Variants in PIGF observed in about 807,000 individuals in gnomAD.
The protein encoded by PIGF is GPI ethanolamine phosphate transferase, stabilizing subunit.
A neutral mutation model predicts 26.0 loss-of-function variants in PIGF; 23 were observed. The observed-to-expected ratio is 0.88, with a 90% CI of 0.64 to 1.25. The LOEUF (loss-of-function observed/expected upper bound fraction) is 1.25. Among genes scored for constraint, PIGF ranks in the 50% most tolerant of loss-of-function variants. PIGF has a pLI of 0.00. For synonymous variants in PIGF, 93 were observed against 92.6 expected (o/e 1.00, Z -0.03); for missense variants, 278 against 249.9 (o/e 1.11, Z -0.76).
intron 4 of PIGF, among the ~76,000 whole-genome samples, chr2:46,594,491 G>A (rs1411705132): frequency 2.0e-5 from 3 of 151,964 alleles, no homozygotes; most frequent in East Asian, 3.9e-4. Flanking sequence ...TAGAGGCCAC[G>A]TGGAAGAACG....
intron 4 of PIGF, among the ~76,000 whole-genome samples, chr2:46,601,855 G>A (rs1670066389): frequency 6.6e-6 from 1 of 151,784 alleles, no homozygotes; most frequent in South Asian, 2.1e-4. Context: ...ACTACTCTTG[G>A]CAAGATTTTT....
At chr2:46,603,842 C>T (rs189596079) in intron 4 of PIGF, among the ~76,000 whole-genome samples, 1 of 152,042 alleles carries the variant, frequency 6.6e-6, no homozygotes, top group East Asian at 1.9e-4. Flanking sequence ...GCAACCAAAG[C>T]ATAAATGGAC....
intron 2 of PIGF, chr2:46,614,446 T>G (rs1670542272): frequency 6.4e-6 from 1 of 155,214 alleles, no homozygotes; most frequent in East Asian, 1.9e-4. Context: ...AATAGCCAAG[T>G]GAATATCTAC....
intron 5 of PIGF, chr2:46,582,820 T>G (rs1669443695): frequency 6.6e-6 from 1 of 152,618 alleles, no homozygotes; most frequent in Admixed American, 6.5e-5. Context: ...TTTAAAAATA[T>G]AAGCATCACC....
chr2:46,588,224 C>A lies in PIGF; in HGVS notation c.546+4251G>T, dbSNP rs778114295. ...TGAAAATTATGTGAAATCCAAATAC[C>A]CTAAATTGGCATAACTAAATACCAG... On this transcript the variant is annotated intron_variant, in intron 5 of 5. Transcript: ENST00000281382. The surrounding 1 kb of genome is among the most constrained non-coding windows in gnomAD (Gnocchi z 4.1). 246 of 1,602,494 alleles carry A rather than the reference C, an allele frequency of 1.5e-4. 1 individual carries two copies. Among genetic ancestry groups the A allele is most frequent in the Non-Finnish European group, 1.4e-4 (160 of 1,175,350 alleles).
rs1670661504 is a variant in PIGF at position 46,616,963 on chromosome 2, G to A, written c.-22+7C>T. On this transcript the variant is annotated splice_region_variant and intron_variant, in intron 1 of 5. Transcript: ENST00000281382. ...GCGAGACGCCGAGGGCGTCCAGCGG[G>A]GCTTACCTAACTCTCCCTCCCGCGG... The A allele has an allele frequency of 3.9e-6, 2 of 517,290 alleles. No homozygotes were observed. The highest frequency in any genetic ancestry group is 7.0e-6 in the Non-Finnish European group (2 of 287,548). 32.0% of individuals were successfully genotyped at this position (517,290 alleles called of 1,614,324 possible).
intron 5 of PIGF, chr2:46,582,847 G>C (rs1355781427): frequency 6.6e-6 from 1 of 152,500 alleles, no homozygotes; most frequent in African/African-American, 2.4e-5. Context: ...TTGAAGAGTG[G>C]AGAGAGTCTA....
chr2:46,604,939 T>C (rs1670171465), intron 4 of PIGF, among the ~76,000 whole-genome samples: 1 of 152,024 alleles, frequency 6.6e-6, no homozygotes, highest in Non-Finnish European at 1.5e-5. Flanking sequence ...ATGCATTGTG[T>C]GTCTGTATCA....
At chr2:46,601,671 A>G (rs1201382763) in intron 4 of PIGF, among the ~76,000 whole-genome samples, 2 of 152,024 alleles carry the variant, frequency 1.3e-5, no homozygotes, top group African/African-American at 2.4e-5. Flanking sequence ...TTTATACTAA[A>G]TTATCTACTT....
chr2:46,612,363 T>G lies in PIGF; in HGVS notation c.321-19A>C. On this transcript the variant is annotated intron_variant, in intron 3 of 5. Coordinates refer to ENST00000281382, the MANE Select transcript of PIGF (RefSeq NM_002643.4). ...TGCCAACCTAGAAAAAAAAAAAGATTACTTTTTAAAAAAGTGTTAAAGGTA... is the reference window on the plus strand; with the variant it reads ...TGCCAACCTAGAAAAAAAAAAAGATGACTTTTTAAAAAAGTGTTAAAGGTA... The G allele has an allele frequency of 1.1e-6, 1 of 943,888 alleles. No individual in the cohort carries two copies. The highest frequency in any genetic ancestry group is 1.7e-5 in the African/African-American group (1 of 59,070). The allele number at this position is 943,888 out of a possible 1,614,324, so 58.5% of individuals were successfully genotyped here. A position where few individuals can be genotyped will look rare whatever the true frequency, so the allele number is the denominator to read the frequency against.
chr2:46,584,139 T>C (rs982886575), intron 5 of PIGF, among the ~76,000 whole-genome samples: 2 of 152,192 alleles, frequency 1.3e-5, no homozygotes, highest in African/African-American at 4.8e-5. Flanking sequence ...ACCAGTTTGT[T>C]GGTTGTTACT....
At chr2:46,615,917 G>A (rs1670604743) in intron 1 of PIGF, 1 of 152,140 alleles carries the variant, frequency 6.6e-6, no homozygotes, top group Non-Finnish European at 1.5e-5. Flanking sequence ...TAAATTACCT[G>A]AGAGCTGACT....
At chr2:46,583,266 TAC>T (rs1466737830) in intron 5 of PIGF, 2 of 152,216 alleles carry the variant, frequency 1.3e-5, no homozygotes, top group Non-Finnish European at 2.9e-5. Context: ...GGAATTTGTC[TAC>T]ACAAACTGGT....
chr2:46,595,063 A>G lies in PIGF; in HGVS notation c.438-2480T>C, dbSNP rs548781611. Among the ~76,000 whole-genome samples the G allele has an allele frequency of 5.3e-5, 8 of 152,124 alleles. No homozygotes were observed. The East Asian group carries it at 1.4e-3, about 26-fold the overall frequency. On this transcript the variant is annotated intron_variant, in intron 4 of 5. Transcript: ENST00000281382. Reference sequence around the variant, plus strand: ...CCATTTTGGTCAGGCTGGTCTCCACAGTTAGGATTTTTAAAAATAGCTTTA... The same window carrying G: ...CCATTTTGGTCAGGCTGGTCTCCACGGTTAGGATTTTTAAAAATAGCTTTA...
chr2:46,610,622 T>C (rs1391984898), intron 4 of PIGF, among the ~76,000 whole-genome samples: 1 of 145,462 alleles, frequency 6.9e-6, no homozygotes, highest in Non-Finnish European at 1.5e-5. Context: ...CTCCGCCTCC[T>C]GGGTTCAAGC....
intron 4 of PIGF, among the ~76,000 whole-genome samples, chr2:46,610,526 CTTTTTTTTTT>C (rs10690699): frequency 1.2e-4 from 13 of 110,316 alleles, no homozygotes; most frequent in African/African-American, 2.2e-4. Flanking sequence ...GTACTGATTC[CTTTTTTTTTT>C]TTTTTTTTTT....
In PIGF at chr2:46,588,314, A is replaced by G. The variant is rs1443789412; in HGVS notation, c.546+4161T>C. On this transcript the variant is annotated intron_variant, in intron 5 of 5. Coordinates refer to ENST00000281382, the MANE Select transcript of PIGF (RefSeq NM_002643.4). The surrounding 1 kb of genome is among the most constrained non-coding windows in gnomAD (Gnocchi z 4.1). ...GACTGCTGGGCAGAAAAAATAAAAC[A>G]ACAAACTGAGACAATTAACATATTC... 13 of 1,139,298 alleles carry G rather than the reference A, an allele frequency of 1.1e-5. No homozygotes were observed. In the East Asian group the frequency reaches 2.6e-4, roughly 23 times the overall value. 70.6% of individuals were successfully genotyped at this position (1,139,298 alleles called of 1,614,324 possible). A position where few individuals can be genotyped will look rare whatever the true frequency, so the allele number is the denominator to read the frequency against.
chr2:46,597,352 C>A (rs778226335), intron 4 of PIGF, among the ~76,000 whole-genome samples: 3 of 151,926 alleles, frequency 2.0e-5, no homozygotes, highest in Non-Finnish European at 4.4e-5. Flanking sequence ...TGTTTTAAGT[C>A]TGAAAATGAT....
intron 5 of PIGF, 138 bp downstream of exon 5, chr2:46,592,337 A>T (rs1669747061): frequency 1.6e-6 from 1 of 626,028 alleles, no homozygotes; most frequent in African/African-American, 1.8e-5. Flanking sequence ...AGCTGCCCAG[A>T]TTACAGTGAC....
Sources: allele counts gnomAD v4.1 joint callset (sites outside exome capture counted in the v4.1 genomes callset), GRCh38; gene constraint gnomAD v4.1.1; non-coding constraint Gnocchi (gnomAD v3.1); transcripts MANE v1.5; gene names NCBI Gene and HGNC (gene_info 2026-07-23, HGNC 2026-07-21).